SVEP1: variants seen among roughly 807,000 people sequenced by gnomAD.
SVEP1 encodes the protein sushi, von Willebrand factor type A, EGF and pentraxin domain-containing protein 1.
In SVEP1, 164 loss-of-function variants were observed where a neutral mutation model predicts 367.3. The ratio of observed to expected loss-of-function variants is 0.45; its 90% CI spans 0.39 to 0.51. The LOEUF (loss-of-function observed/expected upper bound fraction) is 0.51. Ranked by LOEUF, SVEP1 falls within the 20% of genes least tolerant of loss-of-function variation. The probability of loss-of-function intolerance (pLI) is 0.00; values close to 1 mark genes in which losing one functional copy is unlikely to be tolerated. For missense variants in SVEP1, 4,117 were observed against 4,425.3 expected (o/e 0.93, Z 1.98); for synonymous variants, 1,666 against 1,611.6 (o/e 1.03, Z -0.81).
Position 110,514,004 on chromosome 9 carries a change from G to T in SVEP1, c.1067C>A (p.Ser356Tyr). The change falls in exon 4 of 48, where the codon TCC becomes TAC. Residue 356 changes from serine to tyrosine, a missense_variant. Ser to Tyr is a moderately radical substitution (Grantham distance 144). This residue lies in a region of SVEP1 where 2,174 missense variants were observed against 2,494.3 expected (regional missense o/e 0.87). Coordinates refer to ENST00000374469, the MANE Select transcript of SVEP1 (RefSeq NM_153366.4). ...CTCTCTGCAGACACAGTCTTCAGGG[G>T]ATGTGCTTCCAGGTGGAGAGGTGTG... Reference protein sequence around the residue: ...ENHTSPPGSTSPEDCVCREGY... With the variant: ...ENHTSPPGSTYPEDCVCREGY... 1 of 1,612,992 alleles carries T rather than the reference G, an allele frequency of 6.2e-7. No homozygotes were observed. Among genetic ancestry groups the T allele is most frequent in the Non-Finnish European group, 8.5e-7 (1 of 1,179,516 alleles).
At chr9:110,552,814 T>C (rs955442702) in intron 1 of SVEP1, among the ~76,000 whole-genome samples, 2 of 152,098 alleles carry the variant, frequency 1.3e-5, no homozygotes, top group Non-Finnish European at 2.9e-5. Flanking sequence ...CCCCCTGCAG[T>C]AGAGTAAAAC....
chr9:110,455,091 C>G (rs1044135601), intron 22 of SVEP1, among the ~76,000 whole-genome samples: 1 of 152,110 alleles, frequency 6.6e-6, no homozygotes, highest in Non-Finnish European at 1.5e-5. Flanking sequence ...AGGATACATG[C>G]GCCTGAAGTC....
intron 40 of SVEP1, among the ~76,000 whole-genome samples, chr9:110,399,722 C>T (rs1053690292): frequency 6.6e-6 from 1 of 152,128 alleles, no homozygotes; most frequent in South Asian, 2.1e-4. Flanking sequence ...TTTGTGGAGA[C>T]TGGGTCTTAC....
chr9:110,455,810 G>C (rs1198775548), intron 21 of SVEP1, 107 bp from the exon 22 acceptor site: 3 of 632,526 alleles, frequency 4.7e-6, no homozygotes, highest in Non-Finnish European at 6.9e-6. Context: ...TTTTTAAATG[G>C]GTAGTGGTAA....
chr9:110,385,711 C>CT (rs1419302861), intron 43 of SVEP1, among the ~76,000 whole-genome samples, 187 bp downstream of exon 43: 10 of 151,584 alleles, frequency 6.6e-5, no homozygotes, highest in Middle Eastern at 3.2e-3. Flanking sequence ...TTCTGGAAAG[C>CT]TTTTTTTAAA....
intron 16 of SVEP1, among the ~76,000 whole-genome samples, chr9:110,470,125 T>TG (rs1055496572): frequency 6.6e-6 from 1 of 152,096 alleles, no homozygotes; most frequent in Non-Finnish European, 1.5e-5. Context: ...ATGATTTCTT[T>TG]GGGGAACAGG....
At chr9:110,560,405 CTAG>C (rs1588109214) in intron 1 of SVEP1, among the ~76,000 whole-genome samples, 1 of 152,128 alleles carries the variant, frequency 6.6e-6, no homozygotes, top group East Asian at 1.9e-4. Flanking sequence ...TGACTGTCTC[CTAG>C]TAGTGTCTTT....
At chr9:110,560,993 T>C (rs950769805) in intron 1 of SVEP1, among the ~76,000 whole-genome samples, 5 of 152,182 alleles carry the variant, frequency 3.3e-5, no homozygotes, top group Admixed American at 6.5e-5. Context: ...TTTCCCTCCA[T>C]CTACAAAATA....
At chr9:110,542,394 T>A (rs1830162695) in intron 3 of SVEP1, among the ~76,000 whole-genome samples, 1 of 152,164 alleles carries the variant, frequency 6.6e-6, no homozygotes, top group Non-Finnish European at 1.5e-5. Flanking sequence ...AGGGAATGAT[T>A]TCCTTCTGAA....
chr9:110,377,419 G>T, intron 44 of SVEP1, 53 bp from the exon 45 acceptor site: 1 of 1,523,478 alleles, frequency 6.6e-7, no homozygotes, highest in Non-Finnish European at 9.1e-7. Flanking sequence ...AAGGGAAGGA[G>T]TCAGAAAATA....
intron 4 of SVEP1, 22 bp from the exon 5 acceptor site, chr9:110,513,127 T>C (rs1325974100): frequency 5.7e-6 from 9 of 1,585,380 alleles, no homozygotes; most frequent in South Asian, 2.3e-5. Flanking sequence ...AAAAATAAAA[T>C]TGAAAAGCAA....
rs761452326 is a variant in SVEP1, at chr9:110,377,391, CAAATGTAGGGAATTATG to C, written c.10409-42_10409-26del. On this transcript the variant is annotated intron_variant, in intron 44 of 47. Transcript: ENST00000374469. ...GCTGGAAAAGAAGCAGGATGGGTCA[CAAATGTAGGGAATTATG>C]AAGGGAAGGAGTCAGAAAATAGAAT... 21 of 1,603,492 alleles carry C rather than the reference CAAATGTAGGGAATTATG, an allele frequency of 1.3e-5. No individual in the cohort carries two copies. In the Admixed American group the frequency reaches 3.5e-4, roughly 27 times the overall value.
At chr9:110,393,299 C>CAGT (rs1827696543) in intron 40 of SVEP1, among the ~76,000 whole-genome samples, 1 of 152,076 alleles carries the variant, frequency 6.6e-6, no homozygotes, top group Admixed American at 6.6e-5. Context: ...TATATATAAG[C>CAGT]CTGGTCCCAG....
chr9:110,405,040 CAA>C (rs1171280774), intron 38 of SVEP1, among the ~76,000 whole-genome samples: 1 of 151,966 alleles, frequency 6.6e-6, no homozygotes, highest in African/African-American at 2.4e-5. Context: ...AACCAAAAAA[CAA>C]AAAACCGGTA....
At chr9:110,524,403 AT>A (rs1308670766) in intron 3 of SVEP1, among the ~76,000 whole-genome samples, 1 of 152,198 alleles carries the variant, frequency 6.6e-6, no homozygotes, top group Non-Finnish European at 1.5e-5. Context: ...ACACAAAAAA[AT>A]CTTAACAAAA....
intron 40 of SVEP1, among the ~76,000 whole-genome samples, chr9:110,391,191 C>T (rs988868990): frequency 4.6e-5 from 7 of 151,898 alleles, no homozygotes; most frequent in African/African-American, 1.7e-4. Flanking sequence ...AAGATCCATA[C>T]ACTGAGACTA....
chr9:110,577,709 C>A (rs1000208513), intron 1 of SVEP1, among the ~76,000 whole-genome samples: 1 of 151,678 alleles, frequency 6.6e-6, no homozygotes, highest in Non-Finnish European at 1.5e-5. Flanking sequence ...GAATTACTGG[C>A]CTCACTATAT....
At chr9:110,371,192 A>C (rs1203156958) in intron 46 of SVEP1, among the ~76,000 whole-genome samples, 1 of 152,228 alleles carries the variant, frequency 6.6e-6, no homozygotes, top group Non-Finnish European at 1.5e-5. Context: ...ATCAGGATTA[A>C]AACAAGCAAA....
intron 7 of SVEP1, among the ~76,000 whole-genome samples, chr9:110,498,357 G>C (rs1183173954): frequency 1.3e-5 from 2 of 152,114 alleles, no homozygotes; most frequent in Non-Finnish European, 2.9e-5. Context: ...TCTCCTTCTG[G>C]AACTCCTTAT....
Sources: gnomAD v4.1 joint callset for allele counts (sites outside exome capture counted in the v4.1 genomes callset) on GRCh38, gnomAD v4.1.1 for gene constraint, gnomAD v4.1.1 regional missense constraint, MANE v1.5 for transcripts, NCBI Gene and HGNC (gene_info 2026-07-23, HGNC 2026-07-21) for gene names.